The following TTC27 variants were observed in gnomAD, a reference collection of about 807,000 sequenced individuals.
The protein encoded by TTC27 is tetratricopeptide repeat domain 27.
A neutral mutation model predicts 115.9 loss-of-function variants in TTC27; 79 were observed. The observed-to-expected ratio is 0.68, with a 90% CI of 0.57 to 0.82. The LOEUF is 0.82. Among genes scored for constraint, TTC27 ranks in the 40% least tolerant of loss-of-function variants. The pLI, the probability that TTC27 is intolerant of heterozygous loss-of-function variation, is 0.00. For missense variants in TTC27, 1,054 were observed against 993.1 expected, an observed-to-expected ratio of 1.06 and a Z score of -0.82; for synonymous variants, 401 against 356.0, an observed-to-expected ratio of 1.13 and a Z score of -1.42.
intron 10 of TTC27, among the ~76,000 whole-genome samples, chr2:32,709,006 T>A (rs1047923749): frequency 6.6e-6 from 1 of 151,970 alleles, no homozygotes; most frequent in Non-Finnish European, 1.5e-5. Context: ...CATAGGGGGG[T>A]TGGCATCCCA....
At position 32,702,232 on chromosome 2, in the gene TTC27, C is replaced by T. The variant is rs145422354; in HGVS notation, c.1120-575C>T. On this transcript the variant is annotated intron_variant, in intron 9 of 19. Transcript: ENST00000317907. Reference sequence around the variant, plus strand: ...TGGCATCAACTTTCAGATAAATAAACAGGTCTTTCTCCTTTATTTGTGGTA... The same window carrying T: ...TGGCATCAACTTTCAGATAAATAAATAGGTCTTTCTCCTTTATTTGTGGTA... Among the ~76,000 whole-genome samples the T allele has an allele frequency of 1.6e-3, 246 of 152,156 alleles. 2 individuals carry two copies. Among genetic ancestry groups the T allele is most frequent in the Admixed American group, 4.3e-3 (66 of 15,282 alleles).
Position 32,672,276 on chromosome 2 carries a change from T to G in TTC27, c.944T>G (p.Leu315Arg). The part of the protein sequence containing the change: ...PTPQEHLTKN[L>R]ELNDDTILND... ...TTTTCTTTTGTATTCTACTAGAATCTTGAGCTCAATGATGACACCATTCTG... is the reference window on the plus strand; with the variant it reads ...TTTTCTTTTGTATTCTACTAGAATCGTGAGCTCAATGATGACACCATTCTG... The change falls in exon 8 of 20, where the codon CTT (leucine) becomes CGT (arginine). Residue 315 changes from leucine to arginine, a missense_variant. Leu to Arg is a moderately radical substitution (Grantham distance 102, BLOSUM62 -2). Coordinates refer to ENST00000317907, the MANE Select transcript of TTC27 (RefSeq NM_017735.5). The G allele has an allele frequency of 6.2e-7, 1 of 1,611,940 alleles. No homozygotes were observed. The highest frequency in any genetic ancestry group is 8.5e-7 in the Non-Finnish European group (1 of 1,178,608).
At chr2:32,762,391 T>C (rs1274928501) in intron 13 of TTC27, among the ~76,000 whole-genome samples, 2 of 151,374 alleles carry the variant, frequency 1.3e-5, no homozygotes, top group African/African-American at 4.9e-5. Context: ...AGGGCAGTTA[T>C]AGTGCGAAAC....
chr2:32,791,097 A>G (rs1670519143), intron 16 of TTC27, among the ~76,000 whole-genome samples: 1 of 152,204 alleles, frequency 6.6e-6, no homozygotes, highest in African/African-American at 2.4e-5. Flanking sequence ...GATTATACAT[A>G]TTTTTATTCA....
rs1203988095 is a variant in TTC27, at chr2:32,714,519, C to T, written c.1233+11599C>T. On this transcript the variant is annotated intron_variant, in intron 10 of 19. Transcript: ENST00000317907. Reference sequence around the variant, plus strand: ...ATGGGAATTTAGGTTGAGTCCATGCCTTTGCTATTGTGAATAGTGCTGTAA... The same window carrying T: ...ATGGGAATTTAGGTTGAGTCCATGCTTTTGCTATTGTGAATAGTGCTGTAA... Among the ~76,000 whole-genome samples, 3 of 152,094 alleles carry T rather than the reference C, an allele frequency of 2.0e-5. No individual in the cohort carries two copies. In the East Asian group the frequency reaches 5.8e-4, roughly 29 times the overall value.
chr2:32,633,849 T>G, intron 2 of TTC27, 27 bp from the exon 3 acceptor site: 1 of 1,607,654 alleles, frequency 6.2e-7, no homozygotes, highest in Non-Finnish European at 8.5e-7. Context: ...AGTTCATATT[T>G]ATTTCTTTAA....
intron 11 of TTC27, among the ~76,000 whole-genome samples, chr2:32,734,154 A>G (rs1668381489): frequency 6.6e-6 from 1 of 152,232 alleles, no homozygotes; most frequent in South Asian, 2.1e-4. Flanking sequence ...ATAGAATCCT[A>G]GAAATAAAAT....
chr2:32,758,410 A>G lies in TTC27; in HGVS notation c.1571A>G (p.Tyr524Cys). Residue 524 changes from tyrosine to cysteine, a missense_variant, in exon 13 of 20, where the codon TAC (tyrosine) becomes TGC (cysteine). By Grantham distance (194) the Tyr-to-Cys change is radical. Coordinates refer to ENST00000317907, the MANE Select transcript of TTC27 (RefSeq NM_017735.5). The part of the protein sequence containing the change: ...CYDKAWELSR[Y>C]RSARAQRSKA... ...GACAAGGCCTGGGAGTTGTCCCGGTACCGCAGTGCTCGTGCTCAGCGCTCC... is the reference window on the plus strand; with the variant it reads ...GACAAGGCCTGGGAGTTGTCCCGGTGCCGCAGTGCTCGTGCTCAGCGCTCC... 6.2e-7 allele frequency: 1 copy of G among 1,614,216 alleles called. No homozygotes were observed. Among genetic ancestry groups the G allele is most frequent in the Non-Finnish European group, 8.5e-7 (1 of 1,180,040 alleles).
intron 16 of TTC27, among the ~76,000 whole-genome samples, chr2:32,792,679 C>G (rs1670576477): frequency 6.6e-6 from 1 of 152,072 alleles, no homozygotes; most frequent in Admixed American, 6.6e-5. Context: ...TCATTCTTGG[C>G]CTGGAGCCCT....
intron 16 of TTC27, among the ~76,000 whole-genome samples, chr2:32,792,264 C>T (rs1023253125): frequency 6.6e-6 from 1 of 152,142 alleles, no homozygotes; most frequent in Non-Finnish European, 1.5e-5. Context: ...GCTGGCTGTG[C>T]ATTACCCGAA....
chr2:32,728,489 C>T (rs908003229), intron 10 of TTC27, among the ~76,000 whole-genome samples: 1 of 152,160 alleles, frequency 6.6e-6, no homozygotes, highest in Non-Finnish European at 1.5e-5. Context: ...TGAGCATCTC[C>T]TTGATCAGGC....
At chr2:32,714,815 A>T (rs1180014575) in intron 10 of TTC27, among the ~76,000 whole-genome samples, 1 of 151,948 alleles carries the variant, frequency 6.6e-6, no homozygotes, top group African/African-American at 2.4e-5. Flanking sequence ...TGTAGTTTTG[A>T]TTTATATTTC....
intron 12 of TTC27, among the ~76,000 whole-genome samples, chr2:32,757,427 G>T (rs1669271696): frequency 6.6e-6 from 1 of 152,078 alleles, no homozygotes; most frequent in African/African-American, 2.4e-5. Flanking sequence ...TTTATTCCTT[G>T]TTCCTTTCTT....
At chr2:32,784,849 C>A (rs972563542) in intron 15 of TTC27, among the ~76,000 whole-genome samples, 1 of 152,052 alleles carries the variant, frequency 6.6e-6, no homozygotes, top group South Asian at 2.1e-4. Flanking sequence ...TGGTCCAAAA[C>A]TGTTGGAGGC....
intron 7 of TTC27, among the ~76,000 whole-genome samples, chr2:32,670,246 C>T (rs1416417219): frequency 6.6e-6 from 1 of 152,006 alleles, no homozygotes; most frequent in East Asian, 1.9e-4. Context: ...AAAAATTTAA[C>T]CCAAGATTAT....
At chr2:32,659,911 A>G (rs549038074) in intron 5 of TTC27, among the ~76,000 whole-genome samples, 1 of 152,214 alleles carries the variant, frequency 6.6e-6, no homozygotes, top group South Asian at 2.1e-4. Context: ...TATCCAGTCT[A>G]TCATTGATGG....
intron 16 of TTC27, among the ~76,000 whole-genome samples, chr2:32,793,343 A>C (rs1670597996): frequency 6.6e-6 from 1 of 152,228 alleles, no homozygotes; most frequent in South Asian, 2.1e-4. Flanking sequence ...ATTCCCAGAT[A>C]AACAAAAGTT....
rs1436491423 is a variant in TTC27 at position 32,640,286 on chromosome 2, C to T, written c.413C>T (p.Ala138Val). 6.2e-7 allele frequency: 1 copy of T among 1,613,852 alleles called. No homozygotes were observed. Among genetic ancestry groups the T allele is most frequent in the South Asian group, 1.1e-5 (1 of 91,020 alleles). Residue 138 changes from alanine to valine, a missense_variant, in exon 4 of 20, where the codon GCA becomes GTA. Coordinates refer to ENST00000317907, the MANE Select transcript of TTC27 (RefSeq NM_017735.5). ...TTTTTTCAGGTTAAAGGACTGGATG[C>T]ATTTGTTCTGAGCCTGCTCACTCTA... ...QQFSEVKGLDAFVLSLLTLDG... is the reference protein window; with the variant it reads ...QQFSEVKGLDVFVLSLLTLDG...
chr2:32,633,532 G>A lies in TTC27; in HGVS notation c.267-344G>A, dbSNP rs182443847. On this transcript the variant is annotated intron_variant, in intron 2 of 19. Transcript: ENST00000317907. Reference sequence around the variant, plus strand: ...GGCTGCAAGCAATCCTCATGCATCAGCCTCTTGAGTAGCTGGGATGTACCA... The same window carrying A: ...GGCTGCAAGCAATCCTCATGCATCAACCTCTTGAGTAGCTGGGATGTACCA... 4.0e-5 allele frequency among the ~76,000 whole-genome samples: 6 copies of A among 151,898 alleles called. No individual in the cohort carries two copies. The East Asian group carries it at 1.2e-3, about 29-fold the overall frequency.
Sources: gnomAD v4.1 joint callset for allele counts (sites outside exome capture counted in the v4.1 genomes callset) on GRCh38, gnomAD v4.1.1 for gene constraint, MANE v1.5 for transcripts, NCBI Gene and HGNC (gene_info 2026-07-23, HGNC 2026-07-21) for gene names.